The following PHF24 variants were observed in gnomAD, a reference collection of about 807,000 sequenced individuals.
The protein encoded by PHF24 is PHD finger protein 24, also known as Galpha inhibitory interacting protein.
In PHF24, 25 loss-of-function variants were observed where a neutral mutation model predicts 42.6. That is an observed-to-expected ratio of 0.59 (90% confidence interval 0.43 to 0.82). The LOEUF (loss-of-function observed/expected upper bound fraction) is 0.82. PHF24 is among the 40% of genes least tolerant of loss of function. The pLI is 0.00. For missense variants in PHF24, 470 were observed against 538.1 expected (o/e 0.87, Z 1.25); for synonymous variants, 185 against 204.8 (o/e 0.90, Z 0.83).
At chr9:34,733,783 A>G in the PHF24 span, among the ~76,000 whole-genome samples, 2 of 152,146 alleles carry the variant, frequency 1.3e-5, no homozygotes, top group South Asian at 4.1e-4. Context: ...GATTACAGGC[A>G]TGTACTACTG....
chr9:34,685,203 T>C, the PHF24 span, among the ~76,000 whole-genome samples: 1 of 152,084 alleles, frequency 6.6e-6, no homozygotes, highest in Non-Finnish European at 1.5e-5. Context: ...CCTCTACCCC[T>C]ACCCTCCAGA....
the PHF24 span, chr9:34,893,080 AT>A: frequency 1.0e-6 from 1 of 958,196 alleles, no homozygotes; most frequent in Non-Finnish European, 1.5e-6. Context: ...GAGCCATAAC[AT>A]TGCAGATTTG....
chr9:34,881,313 A>C, the PHF24 span, among the ~76,000 whole-genome samples: 1 of 152,206 alleles, frequency 6.6e-6, no homozygotes, highest in Non-Finnish European at 1.5e-5. Flanking sequence ...GAGAAGCAAG[A>C]GCAAACACAT....
the PHF24 span, among the ~76,000 whole-genome samples, chr9:34,845,776 A>G: frequency 1.7e-5 from 2 of 119,208 alleles, no homozygotes; most frequent in African/African-American, 6.6e-5. Flanking sequence ...CAGTCCCCAG[A>G]GTGTGATGTT....
chr9:34,922,244 T>C, the PHF24 span: 1 of 1,592,532 alleles, frequency 6.3e-7, no homozygotes, highest in Non-Finnish European at 8.6e-7. Context: ...ATGTCCACAA[T>C]GTCAAGTTGT....
At chr9:34,690,163 A>G in the PHF24 span, 1 of 1,609,946 alleles carries the variant, frequency 6.2e-7, no homozygotes, top group Non-Finnish European at 8.5e-7. Flanking sequence ...GAGTCTCAAC[A>G]GGGGCTAAAA....
chr9:34,828,811 C>T, the PHF24 span, among the ~76,000 whole-genome samples: 1 of 152,162 alleles, frequency 6.6e-6, no homozygotes, highest in Non-Finnish European at 1.5e-5. Context: ...TTTACTGGCT[C>T]CTCCTTTTAT....
chr9:34,972,275 GT>G (rs1827019513), intron 2 of PHF24, 70 bp from the exon 3 acceptor site: 1 of 1,401,864 alleles, frequency 7.1e-7, no homozygotes, highest in Non-Finnish European at 9.8e-7. Context: ...AGGTAGCTCT[GT>G]GCTTAGTGGC....
At chr9:34,713,656 A>T in the PHF24 span, among the ~76,000 whole-genome samples, 1 of 152,100 alleles carries the variant, frequency 6.6e-6, no homozygotes, top group African/African-American at 2.4e-5. Flanking sequence ...CTGTAGTTTA[A>T]TTTTTAACAT....
At chr9:34,735,473 T>C in the PHF24 span, among the ~76,000 whole-genome samples, 1 of 151,168 alleles carries the variant, frequency 6.6e-6, no homozygotes, top group Non-Finnish European at 1.5e-5. Flanking sequence ...TTACAAGGCA[T>C]ATGAAAAAGC....
chr9:34,730,359 C>G, the PHF24 span, among the ~76,000 whole-genome samples: 1 of 152,114 alleles, frequency 6.6e-6, no homozygotes, highest in Non-Finnish European at 1.5e-5. Context: ...GATATGCCAC[C>G]AACACCTCAG....
At chr9:34,814,210 C>T in the PHF24 span, among the ~76,000 whole-genome samples, 1 of 152,140 alleles carries the variant, frequency 6.6e-6, no homozygotes, top group East Asian at 1.9e-4. Flanking sequence ...AGTGTCTTTC[C>T]TAGGACTTCT....
chr9:34,750,657 T>G, the PHF24 span, among the ~76,000 whole-genome samples: 1 of 152,036 alleles, frequency 6.6e-6, no homozygotes, highest in Admixed American at 6.6e-5. Flanking sequence ...TAAGATATTA[T>G]TTGCAAGTCT....
At chr9:34,950,493 CA>C in the PHF24 span, among the ~76,000 whole-genome samples, 1 of 151,970 alleles carries the variant, frequency 6.6e-6, no homozygotes, top group Non-Finnish European at 1.5e-5. Flanking sequence ...CTAAATAGCC[CA>C]TGTGTCAGAG....
chr9:34,839,963 G>A, the PHF24 span, among the ~76,000 whole-genome samples: 1 of 152,100 alleles, frequency 6.6e-6, no homozygotes, highest in South Asian at 2.1e-4. Flanking sequence ...TGTTCCAGGT[G>A]GCAGAGAAAA....
rs1048649368 is a variant in PHF24 at position 34,976,240 on chromosome 9, G to A, written c.643+10G>A. On this transcript the variant is annotated intron_variant, in intron 4 of 7. Coordinates refer to ENST00000242315, the Ensembl canonical transcript of PHF24. The stretch of plus-strand genomic sequence containing the variant: ...TGTAAAGTCATCCCTGGTAAGGTTG[G>A]GTGGTGCTGCATGGATGGAGAGGGG... The A allele has an allele frequency of 1.9e-6, 3 of 1,611,392 alleles. No homozygotes were observed. In the African/African-American group the frequency reaches 4.0e-5, roughly 22 times the overall value.
At chr9:34,739,416 T>C in the PHF24 span, among the ~76,000 whole-genome samples, 1 of 152,196 alleles carries the variant, frequency 6.6e-6, no homozygotes, top group Non-Finnish European at 1.5e-5. Flanking sequence ...ATTTACCTAA[T>C]AGATAAACTC....
the PHF24 span, among the ~76,000 whole-genome samples, chr9:34,884,760 GGAGGGTGGCAA>G: frequency 6.6e-6 from 1 of 152,196 alleles, no homozygotes; most frequent in Non-Finnish European, 1.5e-5. Context: ...CCCAGTCCCT[GGAGGGTGGCAA>G]GAGGGTGGCA....
At chr9:34,723,348 T>C in the PHF24 span, 3 of 1,551,620 alleles carry the variant, frequency 1.9e-6, no homozygotes, top group Non-Finnish European at 2.6e-6. Flanking sequence ...AGCCGGAGCT[T>C]ATCGTCTAGG....
Sources: gnomAD v4.1 joint callset for allele counts (sites outside exome capture counted in the v4.1 genomes callset) on GRCh38, gnomAD v4.1.1 for gene constraint, MANE v1.5 for transcripts, NCBI Gene and HGNC (gene_info 2026-07-23, HGNC 2026-07-21) for gene names.